The following ABCC9 variants were observed in gnomAD, a reference collection of about 807,000 sequenced individuals.
ABCC9 encodes ATP binding cassette subfamily C member 9.
A neutral mutation model predicts 188.3 loss-of-function variants in ABCC9; 95 were observed. The ratio of observed to expected loss-of-function variants is 0.50; its 90% CI spans 0.43 to 0.60. The LOEUF is 0.60. ABCC9 is among the 20% of genes least tolerant of loss of function. The pLI, the probability that ABCC9 is intolerant of heterozygous loss-of-function variation, is 0.00. For synonymous variants in ABCC9, 659 were observed against 652.7 expected (o/e 1.01, Z -0.15); for missense variants, 1,102 against 1,876.3 (o/e 0.59, Z 7.62).
At chr12:21,933,691 T>TAAA in intron 4 of ABCC9, 91 bp downstream of exon 4, 1 of 1,492,792 alleles carries the variant, frequency 6.7e-7, no homozygotes, top group South Asian at 1.1e-5. Context: ...ATAAAGCACA[T>TAAA]TTATGGGCAC....
chr12:21,846,974 C>CCT (rs929370751), intron 25 of ABCC9, among the ~76,000 whole-genome samples: 1 of 151,908 alleles, frequency 6.6e-6, no homozygotes, highest in African/African-American at 2.4e-5. Context: ...TCTCTTAAGA[C>CCT]TCAACTCCTT....
intron 2 of ABCC9, among the ~76,000 whole-genome samples, chr12:21,939,075 T>C (rs1266558229): frequency 6.6e-6 from 1 of 152,162 alleles, no homozygotes; most frequent in Non-Finnish European, 1.5e-5. Flanking sequence ...TAGCTGTGGG[T>C]ATATTGTAGG....
chr12:21,833,270 G>GAAAT (rs1943879362), intron 30 of ABCC9, among the ~76,000 whole-genome samples: 1 of 151,966 alleles, frequency 6.6e-6, no homozygotes, highest in Non-Finnish European at 1.5e-5. Context: ...AAAACCTATT[G>GAAAT]AAATAAATAA....
In ABCC9 at chr12:21,842,304, T is replaced by C; in HGVS notation, c.3473+10A>G. 6.2e-7 allele frequency: 1 copy of C among 1,612,794 alleles called. No homozygotes were observed. Among genetic ancestry groups the C allele is most frequent in the Non-Finnish European group, 8.5e-7 (1 of 1,179,216 alleles). On this transcript the variant is annotated intron_variant, in intron 29 of 39. Transcript: ENST00000261200. ...GCTTTTGAAAATGAGTGGGATGCTG[T>C]TTTACTTACTTAGAGGCAACCCGAA... is the stretch of plus-strand genomic sequence containing the variant.
At chr12:21,924,807 C>T (rs1948984689) in intron 5 of ABCC9, 1 of 151,890 alleles carries the variant, frequency 6.6e-6, no homozygotes, top group South Asian at 2.1e-4. Context: ...TAATGTCTGC[C>T]TCTCATTTTG....
In ABCC9 at chr12:21,917,648, G is replaced by A. The variant is rs537730066; in HGVS notation, c.407-545C>T. ...TTAGTCAAATGGTTTAAAACACCAC[G>A]CACTTTCACATAGCACAAAGAACAA... On this transcript the variant is annotated intron_variant, in intron 5 of 39. Transcript: ENST00000261200. Among the ~76,000 whole-genome samples the A allele has an allele frequency of 1.1e-3, 173 of 152,184 alleles. 1 individual carries two copies. Among genetic ancestry groups the A allele is most frequent in the Non-Finnish European group, 1.0e-3 (69 of 68,002 alleles).
chr12:21,812,497 C>T (rs181224520), intron 35 of ABCC9, among the ~76,000 whole-genome samples: 1 of 152,294 alleles, frequency 6.6e-6, no homozygotes, highest in Admixed American at 6.5e-5. Flanking sequence ...GGCACATATA[C>T]ACCATGGAAT....
chr12:21,805,559 T>C (rs1272034400), intron 39 of ABCC9, among the ~76,000 whole-genome samples: 2 of 152,194 alleles, frequency 1.3e-5, no homozygotes, highest in Non-Finnish European at 1.5e-5. Context: ...CTGTGAGATA[T>C]CTCATTGTCT....
At chr12:21,915,225 ATG>A (rs377233626) in intron 7 of ABCC9, among the ~76,000 whole-genome samples, 2,889 of 128,916 alleles carry the variant, frequency 0.022, 77 homozygotes, top group African/African-American at 0.066. Context: ...TTATATATAT[ATG>A]TGTGTGTGTG....
rs571048853 is a variant in ABCC9 at position 21,846,018 on chromosome 12, T to C, written c.2867-186A>G. 4.6e-5 allele frequency among the ~76,000 whole-genome samples: 7 copies of C among 152,292 alleles called. No individual in the cohort carries two copies. In the East Asian group the frequency reaches 1.2e-3, roughly 25 times the overall value. On this transcript the variant is annotated intron_variant, in intron 25 of 39. Coordinates refer to ENST00000261200, the MANE Select transcript of ABCC9 (RefSeq NM_020297.4). ...TGAAAATAGGTGAAAAATGAATGAA[T>C]GAATGAGTGATAAAACAAATGTAAA...
intron 15 of ABCC9, among the ~76,000 whole-genome samples, chr12:21,884,782 T>TAAAGAG (rs3062611): frequency 0.64 from 97,871 of 152,060 alleles, 32,962 homozygotes; most frequent in African/African-American, 0.85. Context: ...TATTTTGACT[T>TAAAGAG]AGAGAGGAGG....
chr12:21,797,589 C>T lies in ABCC9; in HGVS notation c.*3455G>A, dbSNP rs1202973414. 2 of 152,098 alleles carry T rather than the reference C, an allele frequency of 1.3e-5. No individual in the cohort carries two copies. Among genetic ancestry groups the T allele is most frequent in the Non-Finnish European group, 2.9e-5 (2 of 68,008 alleles). The allele number at this position is 152,098 out of a possible 1,614,324, so 9.4% of individuals were successfully genotyped here. A position where few individuals can be genotyped will look rare whatever the true frequency, so the allele number is the denominator to read the frequency against. The stretch of plus-strand genomic sequence containing the variant: ...ATGGCAGTAAAACTAATCAGTGAAT[C>T]AATCAACCCTACTGTGGGTTAGGCA... On this transcript the variant is annotated 3_prime_UTR_variant, in exon 40 of 40. Coordinates refer to ENST00000261200, the MANE Select transcript of ABCC9 (RefSeq NM_020297.4).
chr12:21,867,059 G>A (rs1945817818), intron 18 of ABCC9, among the ~76,000 whole-genome samples: 1 of 151,834 alleles, frequency 6.6e-6, no homozygotes, highest in Non-Finnish European at 1.5e-5. Context: ...CTCCTTGAAG[G>A]ATTTACGTAT....
chr12:21,905,233 G>A (rs566978649), intron 12 of ABCC9, among the ~76,000 whole-genome samples: 14 of 152,096 alleles, frequency 9.2e-5, no homozygotes, highest in Admixed American at 3.3e-4. Context: ...AAAACACTTG[G>A]ACCCCTCACA....
chr12:21,907,447 T>G (rs150714831), intron 11 of ABCC9, among the ~76,000 whole-genome samples: 123 of 152,202 alleles, frequency 8.1e-4, no homozygotes, highest in African/African-American at 2.7e-3. Context: ...TAATCAAACT[T>G]TATTTGTAAA....
intron 11 of ABCC9, 73 bp from the exon 12 acceptor site, chr12:21,906,361 C>G: frequency 6.7e-7 from 1 of 1,487,336 alleles, no homozygotes; most frequent in South Asian, 1.2e-5. Flanking sequence ...ATGTAATGGA[C>G]AGGGATTGAG....
chr12:21,920,284 T>G (rs1249492314), intron 5 of ABCC9, among the ~76,000 whole-genome samples: 1 of 152,020 alleles, frequency 6.6e-6, no homozygotes, highest in East Asian at 1.9e-4. Context: ...ATAAAGAAGG[T>G]TGAAAGAAAA....
At chr12:21,863,991 T>C (rs1204942437) in intron 19 of ABCC9, among the ~76,000 whole-genome samples, 1 of 152,058 alleles carries the variant, frequency 6.6e-6, no homozygotes, top group African/African-American at 2.4e-5. Context: ...ACCTCTGACA[T>C]GCCTGCTTTC....
chr12:21,898,229 T>A (rs565572541), intron 12 of ABCC9, among the ~76,000 whole-genome samples: 1 of 152,308 alleles, frequency 6.6e-6, no homozygotes, highest in East Asian at 1.9e-4. Context: ...AGATGGTATA[T>A]GAAAAACCAC....
Sources: allele counts gnomAD v4.1 joint callset (sites outside exome capture counted in the v4.1 genomes callset), GRCh38; gene constraint gnomAD v4.1.1; transcripts MANE v1.5; gene names NCBI Gene and HGNC (gene_info 2026-07-23, HGNC 2026-07-21).